PABPC1L: variants seen among roughly 807,000 people sequenced by gnomAD.
PABPC1L encodes polyadenylate-binding protein 1-like.
In PABPC1L, 31 loss-of-function variants were observed where a neutral mutation model predicts 66.6. The observed-to-expected ratio is 0.47, with a 90% confidence interval of 0.35 to 0.63. The LOEUF (loss-of-function observed/expected upper bound fraction) is 0.63, where lower values mean the gene tolerates loss of function less well. PABPC1L is among the 20% of genes least tolerant of loss of function. The probability of loss-of-function intolerance (pLI) is 0.00; values close to 1 mark genes in which losing one functional copy is unlikely to be tolerated. For synonymous variants in PABPC1L, 348 were observed against 335.1 expected (o/e 1.04, Z -0.42); for missense variants, 722 against 848.8 (o/e 0.85, Z 1.86).
In PABPC1L at chr20:44,935,409, C is replaced by G; in HGVS notation, c.1478C>G (p.Thr493Ser). ...TQRVANIGTQTTGPSGVGCCT... is the reference protein window; with the variant it reads ...TQRVANIGTQSTGPSGVGCCT... The stretch of plus-strand genomic sequence containing the variant: ...TTTGCAGCCAACATTGGTACTCAGA[C>G]CACAGGACCCAGTGGGGTAGGATGC... Residue 493 changes from threonine to serine, a missense_variant, in exon 11 of 15, where the codon ACC becomes AGC. Coordinates refer to ENST00000217073, the MANE Select transcript of PABPC1L (RefSeq NM_001372179.1). 1 of 1,614,096 alleles carries G rather than the reference C, an allele frequency of 6.2e-7. No homozygotes were observed. The highest frequency in any genetic ancestry group is 8.5e-7 in the Non-Finnish European group (1 of 1,179,968).
chr20:44,930,585 A>G lies in PABPC1L; in HGVS notation c.1098A>G (p.Ala366=), dbSNP rs751952360. The G allele has an allele frequency of 1.2e-6, 2 of 1,614,138 alleles. No homozygotes were observed. Among genetic ancestry groups the G allele is most frequent in the African/African-American group, 1.3e-5 (1 of 74,958 alleles). Residue 366 remains alanine, a synonymous_variant, in exon 8 of 15, where the codon GCA becomes GCG. Transcript: ENST00000217073. ...RIVGTKPLYV[A]LAQRKEERKA... is the part of the protein sequence containing the mutation. The stretch of plus-strand genomic sequence containing the variant: ...TGGGCACCAAGCCACTCTACGTGGC[A>G]CTGGCCCAGCGCAAAGAGGAGCGGA...
intron 2 of PABPC1L, among the ~76,000 whole-genome samples, chr20:44,914,224 T>TTTTA (rs2066723849): frequency 6.7e-6 from 1 of 150,000 alleles, no homozygotes. Flanking sequence ...TTTTTTTTTT[T>TTTTA]GAGACGGAGT....
At chr20:44,938,238 A>C (rs1170563655) in intron 13 of PABPC1L, 47 bp downstream of exon 13, 1 of 1,594,734 alleles carries the variant, frequency 6.3e-7, no homozygotes, top group Admixed American at 1.8e-5. Flanking sequence ...GCAGGAGGAG[A>C]GCTAACGACA....
chr20:44,935,285 T>G, intron 10 of PABPC1L, 106 bp from the exon 11 acceptor site: 1 of 792,024 alleles, frequency 1.3e-6, no homozygotes, highest in South Asian at 1.6e-5. Flanking sequence ...TACATTCTTG[T>G]CAACGCTTGT....
At chr20:44,933,725 A>G (rs2066879706) in intron 10 of PABPC1L, among the ~76,000 whole-genome samples, 2 of 147,156 alleles carry the variant, frequency 1.4e-5, no homozygotes, top group Non-Finnish European at 1.5e-5. Flanking sequence ...GATTACAGGC[A>G]TGAGCCACTG....
intron 13 of PABPC1L, 73 bp from the exon 14 acceptor site, chr20:44,938,601 G>T: frequency 1.3e-6 from 2 of 1,516,920 alleles, no homozygotes; most frequent in Non-Finnish European, 8.9e-7. Flanking sequence ...TGGTGAGCGA[G>T]GGGGAGATCA....
chr20:44,928,864 C>CAAAAAAAAAAAAAAAAAAAAAAAA (rs10597679), intron 7 of PABPC1L, among the ~76,000 whole-genome samples: 3 of 54,352 alleles, frequency 5.5e-5, no homozygotes, highest in Non-Finnish European at 9.1e-5. Context: ...GATCCTGACT[C>CAAAAAAAAAAAAAAAAAAAAAAAA]AAAAAAAAAA....
At chr20:44,915,384 C>T (rs1422345345) in intron 2 of PABPC1L, among the ~76,000 whole-genome samples, 9 of 152,082 alleles carry the variant, frequency 5.9e-5, no homozygotes, top group Admixed American at 3.9e-4. Flanking sequence ...GGTCTTTCTG[C>T]GAGTTCAACA....
chr20:44,933,994 C>T (rs1216463264), intron 10 of PABPC1L, among the ~76,000 whole-genome samples: 2 of 152,024 alleles, frequency 1.3e-5, no homozygotes, highest in Non-Finnish European at 2.9e-5. Context: ...TTAGGTGATC[C>T]ACCAGCCTCG....
At chr20:44,926,580 C>T (rs2066811273) in intron 7 of PABPC1L, among the ~76,000 whole-genome samples, 1 of 149,334 alleles carries the variant, frequency 6.7e-6, no homozygotes, top group Non-Finnish European at 1.5e-5. Context: ...GAGTTTCCTT[C>T]TTGTCGCCCA....
At chr20:44,929,029 T>C (rs1735046919) in intron 7 of PABPC1L, among the ~76,000 whole-genome samples, 1 of 151,728 alleles carries the variant, frequency 6.6e-6, no homozygotes, top group African/African-American at 2.4e-5. Flanking sequence ...TCCCTGCACC[T>C]TGGGAGACCT....
chr20:44,924,102 C>A, intron 6 of PABPC1L, 59 bp from the exon 7 acceptor site: 2 of 1,413,486 alleles, frequency 1.4e-6, no homozygotes, highest in South Asian at 1.2e-5. Flanking sequence ...CCTGATCTCC[C>A]CAAGGCAGTT....
chr20:44,917,562 T>C (rs1197253412), intron 3 of PABPC1L, among the ~76,000 whole-genome samples: 1 of 152,152 alleles, frequency 6.6e-6, no homozygotes, highest in East Asian at 1.9e-4. Flanking sequence ...AGTAGGCATA[T>C]GCTAAGCCTG....
chr20:44,933,874 C>G (rs1170646667), intron 10 of PABPC1L, among the ~76,000 whole-genome samples: 1 of 151,660 alleles, frequency 6.6e-6, no homozygotes, highest in Non-Finnish European at 1.5e-5. Context: ...GCCTCAGCCT[C>G]CTGAGTAGCT....
chr20:44,928,673 C>G (rs904237102), intron 7 of PABPC1L, among the ~76,000 whole-genome samples: 1 of 151,648 alleles, frequency 6.6e-6, no homozygotes, highest in African/African-American at 2.4e-5. Flanking sequence ...TCAAGCCCAG[C>G]CGGGGCAACA....
chr20:44,919,826 G>C (rs2066761073), intron 5 of PABPC1L, among the ~76,000 whole-genome samples: 1 of 152,170 alleles, frequency 6.6e-6, no homozygotes. Flanking sequence ...ACACAAAAAG[G>C]CTCTCACAGT....
intron 6 of PABPC1L, among the ~76,000 whole-genome samples, chr20:44,923,169 G>T (rs1314002713): frequency 6.6e-6 from 1 of 152,246 alleles, no homozygotes; most frequent in Non-Finnish European, 1.5e-5. Context: ...ACTCAACAGT[G>T]AGATGCACAG....
At chr20:44,912,572 G>T in intron 1 of PABPC1L, 88 bp from the exon 2 acceptor site, 1 of 1,137,036 alleles carries the variant, frequency 8.8e-7, no homozygotes, top group Non-Finnish European at 1.2e-6. Flanking sequence ...CTCTTTATTG[G>T]CTCCCAGTTA....
chr20:44,910,364 G>A, intron 1 of PABPC1L, 28 bp downstream of exon 1: 1 of 1,461,962 alleles, frequency 6.8e-7, no homozygotes, highest in Admixed American at 2.3e-5. Flanking sequence ...GGCGGGAGGG[G>A]AAGGACCGAC....
Sources: allele counts gnomAD v4.1 joint callset (sites outside exome capture counted in the v4.1 genomes callset), GRCh38; gene constraint gnomAD v4.1.1; transcripts MANE v1.5; gene names NCBI Gene and HGNC (gene_info 2026-07-23, HGNC 2026-07-21).